Variants in SH3GL2 observed in about 807,000 individuals in gnomAD.
The protein encoded by SH3GL2 is SH3 domain containing GRB2 like 2, endophilin A1.
A neutral mutation model predicts 46.0 loss-of-function variants in SH3GL2; 24 were observed. The ratio of observed to expected loss-of-function variants is 0.52; its 90% CI spans 0.38 to 0.73. SH3GL2 has a LOEUF of 0.73. SH3GL2 is among the 30% of genes least tolerant of loss of function. The probability of loss-of-function intolerance (pLI) is 0.00; values close to 1 mark genes in which losing one functional copy is unlikely to be tolerated. For missense variants in SH3GL2, 413 were observed against 424.2 expected (o/e 0.97, Z 0.23); for synonymous variants, 196 against 147.1 (o/e 1.33, Z -2.40).
chr9:17,637,966 C>CT (rs1818865625), intron 1 of SH3GL2, among the ~76,000 whole-genome samples: 1 of 152,010 alleles, frequency 6.6e-6, no homozygotes, highest in Admixed American at 6.5e-5. Context: ...ACCATCCTGG[C>CT]TAACACAGTG....
At chr9:17,707,138 C>G (rs765112235) in intron 1 of SH3GL2, among the ~76,000 whole-genome samples, 6 of 151,980 alleles carry the variant, frequency 3.9e-5, no homozygotes, top group Non-Finnish European at 7.4e-5. Flanking sequence ...ATTTCTGTAT[C>G]CTGACTGCAA....
At chr9:17,789,650 C>G (rs773449240) in intron 6 of SH3GL2, 100 bp downstream of exon 6, 9 of 1,535,084 alleles carry the variant, frequency 5.9e-6, no homozygotes, top group African/African-American at 1.4e-5. Flanking sequence ...TCTGATTACA[C>G]TATGTGATAA....
chr9:17,667,886 G>A (rs190033479), intron 1 of SH3GL2, among the ~76,000 whole-genome samples: 1 of 152,052 alleles, frequency 6.6e-6, no homozygotes, highest in Non-Finnish European at 1.5e-5. Flanking sequence ...GATTTGATTT[G>A]TGTTTCTCTT....
intron 8 of SH3GL2, among the ~76,000 whole-genome samples, chr9:17,793,913 C>T (rs749764119): frequency 2.6e-5 from 4 of 152,222 alleles, no homozygotes; most frequent in Admixed American, 6.5e-5. Context: ...CACATGCATT[C>T]GCATATAACC....
chr9:17,633,079 C>T (rs1462078229), intron 1 of SH3GL2, among the ~76,000 whole-genome samples: 2 of 152,288 alleles, frequency 1.3e-5, no homozygotes, highest in East Asian at 3.9e-4. Flanking sequence ...ATCATTGGTC[C>T]TCCACATTGC....
intron 1 of SH3GL2, among the ~76,000 whole-genome samples, chr9:17,740,671 T>A (rs868572803): frequency 1.1e-4 from 17 of 152,284 alleles, no homozygotes; most frequent in African/African-American, 4.1e-4. Context: ...GTAATGTTGT[T>A]CTTTAATAAT....
rs1181185181 is a variant in SH3GL2 at position 17,796,482 on chromosome 9, G to C, written c.*739G>C. On this transcript the variant is annotated 3_prime_UTR_variant, in exon 9 of 9. Coordinates refer to ENST00000380607, the MANE Select transcript of SH3GL2 (RefSeq NM_003026.5). ...TTATGAGGAATTGGGAAGAAATCTG[G>C]TATCCAAGCTTAAATTTCTTGCTAT... is the stretch of plus-strand genomic sequence containing the variant. The C allele has an allele frequency of 6.6e-6, 1 of 151,922 alleles. No homozygotes were observed. The highest frequency in any genetic ancestry group is 1.5e-5 in the Non-Finnish European group (1 of 68,038). The allele number at this position is 151,922 out of a possible 1,614,324, so 9.4% of individuals were successfully genotyped here.
At chr9:17,595,518 T>C (rs780571495) in intron 1 of SH3GL2, among the ~76,000 whole-genome samples, 16 of 152,212 alleles carry the variant, frequency 1.1e-4, no homozygotes, top group Non-Finnish European at 2.1e-4. Flanking sequence ...AGATCAGTAG[T>C]TCTCTTCCCT....
At chr9:17,716,777 A>G (rs1821771869) in intron 1 of SH3GL2, among the ~76,000 whole-genome samples, 1 of 152,050 alleles carries the variant, frequency 6.6e-6, no homozygotes, top group South Asian at 2.1e-4. Flanking sequence ...CCATTCGCCT[A>G]TGTTCTCTCT....
intron 1 of SH3GL2, among the ~76,000 whole-genome samples, chr9:17,684,926 C>T (rs1820865441): frequency 6.6e-6 from 1 of 152,100 alleles, no homozygotes; most frequent in East Asian, 1.9e-4. Context: ...GAAGATAAGG[C>T]TCTGGTCTCA....
At chr9:17,738,575 TAG>T (rs142654925) in intron 1 of SH3GL2, among the ~76,000 whole-genome samples, 1,340 of 108,228 alleles carry the variant, frequency 0.012, 45 homozygotes, top group Middle Eastern at 0.029. Context: ...CATATATATA[TAG>T]AGAGAGAGAG....
intron 1 of SH3GL2, among the ~76,000 whole-genome samples, chr9:17,695,045 T>C (rs1821169493): frequency 6.6e-6 from 1 of 151,888 alleles, no homozygotes; most frequent in South Asian, 2.1e-4. Flanking sequence ...CAGAGATCAC[T>C]AGAGGGGAAA....
intron 1 of SH3GL2, among the ~76,000 whole-genome samples, chr9:17,682,459 A>G (rs1820796959): frequency 6.6e-6 from 1 of 152,128 alleles, no homozygotes. Flanking sequence ...TCACACAGGA[A>G]CAGAAAATCA....
chr9:17,612,221 G>A (rs1198842041), intron 1 of SH3GL2, among the ~76,000 whole-genome samples: 1 of 152,186 alleles, frequency 6.6e-6, no homozygotes, highest in African/African-American at 2.4e-5. Flanking sequence ...AGGCACAGAG[G>A]AACAGGGAGG....
intron 3 of SH3GL2, among the ~76,000 whole-genome samples, chr9:17,775,052 A>T (rs1823603200): frequency 6.6e-6 from 1 of 152,036 alleles, no homozygotes; most frequent in African/African-American, 2.4e-5. Flanking sequence ...CATTTAGGTT[A>T]TACAGTTCAT....
At chr9:17,712,739 A>G (rs572192935) in intron 1 of SH3GL2, among the ~76,000 whole-genome samples, 1 of 151,852 alleles carries the variant, frequency 6.6e-6, no homozygotes, top group East Asian at 1.9e-4. Flanking sequence ...CATTCATCTA[A>G]GTTGTTTTGT....
chr9:17,607,354 A>G (rs1016092072), intron 1 of SH3GL2, among the ~76,000 whole-genome samples: 2 of 152,234 alleles, frequency 1.3e-5, no homozygotes, highest in Admixed American at 6.5e-5. Flanking sequence ...TGTAGAAAAG[A>G]TACAGTAAAA....
chr9:17,754,121 C>T (rs1468515100), intron 2 of SH3GL2, among the ~76,000 whole-genome samples: 1 of 152,130 alleles, frequency 6.6e-6, no homozygotes, highest in Non-Finnish European at 1.5e-5. Flanking sequence ...ATGATGACTC[C>T]AGCTTCGTTC....
At chr9:17,758,069 G>T (rs1823051072) in intron 2 of SH3GL2, among the ~76,000 whole-genome samples, 2 of 152,142 alleles carry the variant, frequency 1.3e-5, no homozygotes, top group Admixed American at 6.5e-5. Flanking sequence ...GGACCATTCA[G>T]TTCTTCTGGT....
Sources: gnomAD v4.1 joint callset for allele counts (sites outside exome capture counted in the v4.1 genomes callset) on GRCh38, gnomAD v4.1.1 for gene constraint, MANE v1.5 for transcripts, NCBI Gene and HGNC (gene_info 2026-07-23, HGNC 2026-07-21) for gene names.